The following TMEM125 variants were observed in gnomAD, a reference collection of about 807,000 sequenced individuals.
TMEM125 encodes transmembrane protein 125.
Under a neutral mutation model 8.7 loss-of-function variants are expected in TMEM125, and 11 were observed. The observed-to-expected ratio is 1.26, with a 90% CI of 0.79 to 2.08. TMEM125 has a LOEUF of 2.08. Among genes scored for constraint, TMEM125 ranks in the 30% most tolerant of loss-of-function variants. The pLI, the probability that TMEM125 is intolerant of heterozygous loss-of-function variation, is 0.00. For missense variants in TMEM125, 270 were observed against 302.4 expected, an observed-to-expected ratio of 0.89 and a Z score of 0.79; for synonymous variants, 144 against 146.1, an observed-to-expected ratio of 0.99 and a Z score of 0.10.
Position 43,273,134 on chromosome 1 carries a change from C to T in TMEM125, c.412C>T (p.Pro138Ser), listed in dbSNP as rs757423930. 1.2e-6 allele frequency: 2 copies of T among 1,612,300 alleles called. No homozygotes were observed. Among genetic ancestry groups the T allele is most frequent in the Admixed American group, 1.7e-5 (1 of 59,846 alleles). Reference sequence around the variant, plus strand: ...GACCCTGGCCGGGCTGGCCGCCGCCCCTGCCCCTGCTCGGCCGCTGGCCGC... The same window carrying T: ...GACCCTGGCCGGGCTGGCCGCCGCCTCTGCCCCTGCTCGGCCGCTGGCCGC... ...GLTLAGLAAA[P>S]APARPLAAML... Residue 138 changes from proline (P) to serine (S), a missense_variant, in exon 4 of 4, where the codon CCT becomes TCT. Pro to Ser is a moderately conservative substitution (Grantham distance 74). Coordinates refer to ENST00000439858, the MANE Select transcript of TMEM125 (RefSeq NM_144626.3).
chr1:43,270,292 A>G (rs540623230), intron 1 of TMEM125, among the ~76,000 whole-genome samples: 99 of 146,302 alleles, frequency 6.8e-4, no homozygotes, highest in Non-Finnish European at 1.3e-3. Flanking sequence ...TAGGGGTTGG[A>G]TTTGGAGTTG....
Position 43,272,816 on chromosome 1 carries a change from C to T in TMEM125, c.94C>T (p.Arg32Trp), listed in dbSNP as rs765021596. 25 of 1,564,644 alleles carry T rather than the reference C, an allele frequency of 1.6e-5. No individual in the cohort carries two copies. Among genetic ancestry groups the T allele is most frequent in the South Asian group, 1.2e-4 (10 of 85,592 alleles). ...QVELWWSQQP[R>W]RSALCFVVAV... ...GGAGCTGTGGTGGTCCCAGCAGCCG[C>T]GGCGCTCGGCGCTCTGCTTCGTCGT... The change falls in exon 4 of 4, where the codon CGG (arginine) becomes TGG (tryptophan). Residue 32 changes from arginine to tryptophan, a missense_variant. Physicochemically the swap from Arg to Trp is moderately radical, Grantham distance 101 (BLOSUM62 -3). Coordinates refer to ENST00000439858, the MANE Select transcript of TMEM125 (RefSeq NM_144626.3). The surrounding 1 kb of genome is among the most constrained non-coding windows in gnomAD (Gnocchi z 5.0).
In TMEM125 at chr1:43,272,499, G is replaced by T; in HGVS notation, c.-145-79G>T. ...GGGAACACTGGGGTGGATTCTCAGG[G>T]ATCATCCCCAAGGCTCCCAGGTGGG... On this transcript the variant is annotated intron_variant, in intron 3 of 3. Transcript: ENST00000439858. This position sits in a 1 kb window ranked among gnomAD's most constrained non-coding sequence, Gnocchi z 5.0. The T allele has an allele frequency of 2.2e-6, 1 of 451,016 alleles. No homozygotes were observed. Among genetic ancestry groups the T allele is most frequent in the Non-Finnish European group, 3.9e-6 (1 of 259,526 alleles). The allele number at this position is 451,016 out of a possible 1,614,324, so 27.9% of individuals were successfully genotyped here.
rs544286792 is a variant in TMEM125, at chr1:43,273,460, G to A, written c.*78G>A. On this transcript the variant is annotated 3_prime_UTR_variant, in exon 4 of 4. Transcript: ENST00000439858. ...AGCCAGGGTGTGAGTGCATGTGAAC[G>A]TTGAGTACACATGAGTGCGTGTATG... 2.1e-5 allele frequency: 31 copies of A among 1,509,878 alleles called. No individual in the cohort carries two copies. The highest frequency in any genetic ancestry group is 5.5e-5 in the African/African-American group (4 of 72,920). The allele number at this position is 1,509,878 out of a possible 1,614,324, so 93.5% of individuals were successfully genotyped here.
In TMEM125 at chr1:43,273,484, T is replaced by A; in HGVS notation, c.*102T>A. ...CGTTGAGTACACATGAGTGCGTGTATGCCCCCAGGCTGGGTCAGCTCTTCT... is the reference window on the plus strand; with the variant it reads ...CGTTGAGTACACATGAGTGCGTGTAAGCCCCCAGGCTGGGTCAGCTCTTCT... On this transcript the variant is annotated 3_prime_UTR_variant, in exon 4 of 4. Transcript: ENST00000439858. 1 of 1,426,892 alleles carries A rather than the reference T, an allele frequency of 7.0e-7. No homozygotes were observed. Among genetic ancestry groups the A allele is most frequent in the Non-Finnish European group, 9.5e-7 (1 of 1,057,322 alleles). 88.4% of individuals were successfully genotyped at this position (1,426,892 alleles called of 1,614,324 possible). A position where few individuals can be genotyped will look rare whatever the true frequency, so the allele number is the denominator to read the frequency against.
chr1:43,272,749 AG>A lies in TMEM125; in HGVS notation c.32del (p.Gly11AlafsTer58), dbSNP rs1229096795. MSEQEAQAP[G>X]GRGLPPDMLA... The stretch of plus-strand genomic sequence containing the variant: ...TGTCTGAACAGGAGGCTCAAGCCCC[AG>A]GGGGCCGGGGGCTGCCCCCGGACAT... On this transcript the variant is annotated frameshift_variant, in exon 4 of 4. Transcript: ENST00000439858. LOFTEE classifies it high-confidence loss of function. The surrounding 1 kb of genome is among the most constrained non-coding windows in gnomAD (Gnocchi z 5.0). The A allele has an allele frequency of 1.3e-6, 2 of 1,513,118 alleles. No individual in the cohort carries two copies. The highest frequency in any genetic ancestry group is 1.3e-5 in the South Asian group (1 of 75,008). The allele number at this position is 1,513,118 out of a possible 1,614,324, so 93.7% of individuals were successfully genotyped here.
Position 43,272,892 on chromosome 1 carries a change from C to G in TMEM125, c.170C>G (p.Ser57Ter). ...GGCGCGGGCGGCGTGGCACTGCTGT[C>G]AACCACCAGCAGCCGCTCAGGTGAA... ...GCGAGGVALLSTTSSRSGEWR... is the reference protein window; with the variant it reads ...GCGAGGVALL Residue 57 changes from serine to a stop codon, truncating the protein, a stop_gained, in exon 4 of 4, where the codon TCA becomes TGA. Coordinates refer to ENST00000439858, the MANE Select transcript of TMEM125 (RefSeq NM_144626.3). LOFTEE classifies it high-confidence loss of function. The surrounding 1 kb of genome is among the most constrained non-coding windows in gnomAD (Gnocchi z 5.0). The G allele has an allele frequency of 3.8e-6, 6 of 1,588,890 alleles. No individual in the cohort carries two copies. The highest frequency in any genetic ancestry group is 5.2e-6 in the Non-Finnish European group (6 of 1,164,562).
At position 43,272,562 on chromosome 1, in the gene TMEM125, G is replaced by T; in HGVS notation, c.-145-16G>T. The T allele has an allele frequency of 1.7e-6, 1 of 593,048 alleles. No homozygotes were observed. 36.7% of individuals were successfully genotyped at this position (593,048 alleles called of 1,614,324 possible). A position where few individuals can be genotyped will look rare whatever the true frequency, so the allele number is the denominator to read the frequency against. On this transcript the variant is annotated splice_polypyrimidine_tract_variant and intron_variant, in intron 3 of 3. Coordinates refer to ENST00000439858, the MANE Select transcript of TMEM125 (RefSeq NM_144626.3). The surrounding 1 kb of genome is among the most constrained non-coding windows in gnomAD (Gnocchi z 5.0). Reference sequence around the variant, plus strand: ...AGGTGGGCTGGGAAGGTAAGACTGTGATCCTTCCCCTACAGGTGAGGGTGA... The same window carrying T: ...AGGTGGGCTGGGAAGGTAAGACTGTTATCCTTCCCCTACAGGTGAGGGTGA...
rs1281623890 is a variant in TMEM125, at chr1:43,271,197, C to T, written c.-302+404C>T. Reference sequence around the variant, plus strand: ...CGTTTTCATGTATTCAAAAAGCACGCTTTGAGCATCTATGCAGGCTCTAGG... The same window carrying T: ...CGTTTTCATGTATTCAAAAAGCACGTTTTGAGCATCTATGCAGGCTCTAGG... On this transcript the variant is annotated intron_variant, in intron 2 of 3. Coordinates refer to ENST00000439858, the MANE Select transcript of TMEM125 (RefSeq NM_144626.3). The surrounding 1 kb of genome is among the most constrained non-coding windows in gnomAD (Gnocchi z 4.9). 2 of 152,316 alleles carry T rather than the reference C, an allele frequency of 1.3e-5. No individual in the cohort carries two copies. Among genetic ancestry groups the T allele is most frequent in the Admixed American group, 6.5e-5 (1 of 15,284 alleles). 9.4% of individuals were successfully genotyped at this position (152,316 alleles called of 1,614,324 possible). A position where few individuals can be genotyped will look rare whatever the true frequency, so the allele number is the denominator to read the frequency against.
Position 43,271,625 on chromosome 1 carries a change from C to T in TMEM125, c.-301-559C>T, listed in dbSNP as rs7536340. Among the ~76,000 whole-genome samples the T allele has an allele frequency of 0.06, 9,105 of 152,262 alleles. 493 individuals carry two copies. Among genetic ancestry groups the T allele is most frequent in the East Asian group, 0.19 (968 of 5,184 alleles). The stretch of plus-strand genomic sequence containing the variant: ...AGCTGGGGTTCAAATCCAGAGCCCT[C>T]CTTTTTCCTTTGCTCCACTTTAGAG... On this transcript the variant is annotated intron_variant, in intron 2 of 3. Transcript: ENST00000439858. The surrounding 1 kb of genome is among the most constrained non-coding windows in gnomAD (Gnocchi z 4.9).
chr1:43,272,487 T>G lies in TMEM125; in HGVS notation c.-145-91T>G. 1 of 434,028 alleles carries G rather than the reference T, an allele frequency of 2.3e-6. No homozygotes were observed. The highest frequency in any genetic ancestry group is 4.0e-6 in the Non-Finnish European group (1 of 248,304). The allele number at this position is 434,028 out of a possible 1,614,324, so 26.9% of individuals were successfully genotyped here. On this transcript the variant is annotated intron_variant, in intron 3 of 3. Coordinates refer to ENST00000439858, the MANE Select transcript of TMEM125 (RefSeq NM_144626.3). This position sits in a 1 kb window ranked among gnomAD's most constrained non-coding sequence, Gnocchi z 5.0. ...GGGGAGATTCGGGGGAACACTGGGG[T>G]GGATTCTCAGGGATCATCCCCAAGG...
At position 43,272,814 on chromosome 1, in the gene TMEM125, C is replaced by T. The variant is rs533398952; in HGVS notation, c.92C>T (p.Pro31Leu). The T allele has an allele frequency of 4.1e-5, 64 of 1,566,016 alleles. No homozygotes were observed. Among genetic ancestry groups the T allele is most frequent in the Admixed American group, 2.4e-4 (13 of 54,802 alleles). Residue 31 changes from proline to leucine, a missense_variant, in exon 4 of 4, where the codon CCG becomes CTG. Physicochemically the swap from Pro to Leu is moderately conservative, Grantham distance 98. Transcript: ENST00000439858. This position sits in a 1 kb window ranked among gnomAD's most constrained non-coding sequence, Gnocchi z 5.0. ...GTGGAGCTGTGGTGGTCCCAGCAGC[C>T]GCGGCGCTCGGCGCTCTGCTTCGTC... ...EQVELWWSQQ[P>L]RRSALCFVVA...
rs1311565743 is a variant in TMEM125, at chr1:43,273,298, C to T, written c.576C>T (p.Gly192=). 3 of 1,614,084 alleles carry T rather than the reference C, an allele frequency of 1.9e-6. 1 individual carries two copies. In the Admixed American group the frequency reaches 5.0e-5, roughly 27 times the overall value. Residue 192 remains glycine, a synonymous_variant, in exon 4 of 4, where the codon GGC becomes GGT. Transcript: ENST00000439858. ...ATPSTHSGHG[G]HGSIFSISGQ... The stretch of plus-strand genomic sequence containing the variant: ...CCTCCACCCACAGTGGCCATGGCGG[C>T]CATGGCAGCATCTTCAGCATCTCAG...
At chr1:43,270,640 C>T (rs1370816403) in intron 1 of TMEM125, 41 bp from the exon 2 acceptor site, 1 of 152,858 alleles carries the variant, frequency 6.5e-6, no homozygotes, top group Non-Finnish European at 1.5e-5. Context: ...CGGCTCAGGC[C>T]CTGCCCTGGA....
chr1:43,272,830 C>T lies in TMEM125; in HGVS notation c.108C>T (p.Leu36=), dbSNP rs1430783997. The T allele has an allele frequency of 2.5e-6, 4 of 1,573,892 alleles. No individual in the cohort carries two copies. The highest frequency in any genetic ancestry group is 1.2e-5 in the South Asian group (1 of 86,890). ...CCCAGCAGCCGCGGCGCTCGGCGCT[C>T]TGCTTCGTCGTGGCCGTGGGCCTCG... ...WWSQQPRRSA[L]CFVVAVGLVA... Residue 36 remains leucine, a synonymous_variant, in exon 4 of 4, where the codon CTC becomes CTT. Transcript: ENST00000439858. This position sits in a 1 kb window ranked among gnomAD's most constrained non-coding sequence, Gnocchi z 5.0.
Position 43,273,487 on chromosome 1 carries a change from C to T in TMEM125, c.*105C>T, listed in dbSNP as rs1168308874. The T allele has an allele frequency of 7.1e-7, 1 of 1,407,484 alleles. No homozygotes were observed. The highest frequency in any genetic ancestry group is 9.6e-7 in the Non-Finnish European group (1 of 1,044,134). 87.2% of individuals were successfully genotyped at this position (1,407,484 alleles called of 1,614,324 possible). A position where few individuals can be genotyped will look rare whatever the true frequency, so the allele number is the denominator to read the frequency against. On this transcript the variant is annotated 3_prime_UTR_variant, in exon 4 of 4. Coordinates refer to ENST00000439858, the MANE Select transcript of TMEM125 (RefSeq NM_144626.3). ...TGAGTACACATGAGTGCGTGTATGC[C>T]CCCAGGCTGGGTCAGCTCTTCTGTG...
Position 43,272,412 on chromosome 1 carries a change from T to C in TMEM125, c.-146+73T>C, listed in dbSNP as rs1033030817. ...CTATGGGCAGGGTACTCCCCTGGGG[T>C]CATTGGAGAGCCATTCCCAAGGGAC... On this transcript the variant is annotated intron_variant, in intron 3 of 3. Coordinates refer to ENST00000439858, the MANE Select transcript of TMEM125 (RefSeq NM_144626.3). This position sits in a 1 kb window ranked among gnomAD's most constrained non-coding sequence, Gnocchi z 5.0. The C allele has an allele frequency of 5.1e-5, 13 of 256,824 alleles. No homozygotes were observed. The highest frequency in any genetic ancestry group is 2.9e-4 in the African/African-American group (13 of 44,716). 15.9% of individuals were successfully genotyped at this position (256,824 alleles called of 1,614,324 possible).
At position 43,273,479 on chromosome 1, in the gene TMEM125, G is replaced by T; in HGVS notation, c.*97G>T. On this transcript the variant is annotated 3_prime_UTR_variant, in exon 4 of 4. Transcript: ENST00000439858. Reference sequence around the variant, plus strand: ...GTGAACGTTGAGTACACATGAGTGCGTGTATGCCCCCAGGCTGGGTCAGCT... The same window carrying T: ...GTGAACGTTGAGTACACATGAGTGCTTGTATGCCCCCAGGCTGGGTCAGCT... The T allele has an allele frequency of 6.9e-7, 1 of 1,440,904 alleles. No homozygotes were observed. Among genetic ancestry groups the T allele is most frequent in the Non-Finnish European group, 9.4e-7 (1 of 1,068,608 alleles). 89.3% of individuals were successfully genotyped at this position (1,440,904 alleles called of 1,614,324 possible).
Position 43,272,681 on chromosome 1 carries a change from C to T in TMEM125, c.-42C>T, listed in dbSNP as rs1646499624. On this transcript the variant is annotated 5_prime_UTR_variant, in exon 4 of 4. Coordinates refer to ENST00000439858, the MANE Select transcript of TMEM125 (RefSeq NM_144626.3). This position sits in a 1 kb window ranked among gnomAD's most constrained non-coding sequence, Gnocchi z 5.0. Reference sequence around the variant, plus strand: ...AGGCTGTGATCTGAACCCTCTGACCCCTGACATTGACCTCCTACCCTGACC... The same window carrying T: ...AGGCTGTGATCTGAACCCTCTGACCTCTGACATTGACCTCCTACCCTGACC... 1 of 1,454,884 alleles carries T rather than the reference C, an allele frequency of 6.9e-7. No homozygotes were observed. The highest frequency in any genetic ancestry group is 1.4e-5 in the African/African-American group (1 of 70,078). 90.1% of individuals were successfully genotyped at this position (1,454,884 alleles called of 1,614,324 possible).
Sources: allele counts gnomAD v4.1 joint callset (sites outside exome capture counted in the v4.1 genomes callset), GRCh38; gene constraint gnomAD v4.1.1; non-coding constraint Gnocchi (gnomAD v3.1); transcripts MANE v1.5; gene names NCBI Gene and HGNC (gene_info 2026-07-23, HGNC 2026-07-21).